The following ARID1B variants were observed in gnomAD, a reference collection of about 807,000 sequenced individuals.
The protein encoded by ARID1B is AT-rich interactive domain-containing protein 1B.
Under a neutral mutation model 212.3 loss-of-function variants are expected in ARID1B, and 30 were observed. That is an observed-to-expected ratio of 0.14 (90% confidence interval 0.11 to 0.19). The LOEUF (loss-of-function observed/expected upper bound fraction) is 0.19. Ranked by LOEUF, ARID1B falls within the 10% of genes least tolerant of loss-of-function variation. The pLI is 1.00. For missense variants in ARID1B, 2,891 were observed against 3,204.0 expected (o/e 0.90, Z 2.36); for synonymous variants, 1,402 against 1,301.7 (o/e 1.08, Z -1.66).
rs763106833 is a variant in ARID1B at position 157,207,600 on chromosome 6, A to C, written c.6828A>C (p.Lys2276Asn). The change falls in exon 20 of 20, where the codon AAA becomes AAC. Residue 2276 changes from lysine to asparagine, a missense_variant. By Grantham distance (94) the Lys-to-Asn change is moderately conservative (BLOSUM62 0). Coordinates refer to ENST00000636930, the MANE Select transcript of ARID1B (RefSeq NM_001374828.1). The surrounding 1 kb of genome is among the most constrained non-coding windows in gnomAD (Gnocchi z 8.5). ...CAGCAAGGGCCATAGCTGTGCAGAA[A>C]GGAAGCATTGGAAACTTGATAAGCT... ...ALAARAIAVQKGSIGNLISFL... is the reference protein window; with the variant it reads ...ALAARAIAVQNGSIGNLISFL... 3 of 1,614,206 alleles carry C rather than the reference A, an allele frequency of 1.9e-6. No homozygotes were observed. The highest frequency in any genetic ancestry group is 2.5e-6 in the Non-Finnish European group (3 of 1,180,036).
intron 4 of ARID1B, among the ~76,000 whole-genome samples, chr6:156,988,380 C>G (rs1004031627): frequency 6.6e-6 from 1 of 152,058 alleles, no homozygotes; most frequent in Non-Finnish European, 1.5e-5. Flanking sequence ...ATGTGTGGTG[C>G]CTGCAGCCTG....
At chr6:157,155,747 T>C (rs1790535389) in intron 8 of ARID1B, among the ~76,000 whole-genome samples, 1 of 152,172 alleles carries the variant, frequency 6.6e-6, no homozygotes, top group African/African-American at 2.4e-5. Context: ...AGATCAGTGG[T>C]AACCCCACCG....
chr6:157,181,290 C>T (rs1792512028), intron 12 of ARID1B, 112 bp downstream of exon 12: 4 of 1,362,768 alleles, frequency 2.9e-6, no homozygotes, highest in Non-Finnish European at 4.0e-6. Context: ...AAAAGCTAAG[C>T]CTGTGTGAAA....
intron 4 of ARID1B, among the ~76,000 whole-genome samples, chr6:157,070,962 A>T (rs1783972849): frequency 2.0e-5 from 3 of 152,226 alleles, no homozygotes; most frequent in Admixed American, 2.0e-4. Context: ...CTGTACAGAG[A>T]AATCCTGCCG....
intron 2 of ARID1B, among the ~76,000 whole-genome samples, chr6:156,892,988 C>G (rs1003045400): frequency 6.6e-5 from 10 of 151,376 alleles, no homozygotes; most frequent in Non-Finnish European, 1.5e-4. Flanking sequence ...TATCATAGAC[C>G]TAAGTGTGTA....
intron 8 of ARID1B, among the ~76,000 whole-genome samples, chr6:157,162,109 A>G (rs1252295417): frequency 6.6e-6 from 1 of 152,200 alleles, no homozygotes; most frequent in Non-Finnish European, 1.5e-5. Flanking sequence ...CATTCATTTT[A>G]AAGATAACCA....
intron 1 of ARID1B, among the ~76,000 whole-genome samples, chr6:156,803,290 G>A (rs981233925): frequency 6.6e-6 from 1 of 152,270 alleles, no homozygotes; most frequent in Non-Finnish European, 1.5e-5. Flanking sequence ...CATTTATAAT[G>A]TTGTATAATA....
chr6:157,128,555 C>G lies in ARID1B; in HGVS notation c.2582-4473C>G, dbSNP rs150086867. On this transcript the variant is annotated intron_variant, in intron 6 of 19. Coordinates refer to ENST00000636930, the MANE Select transcript of ARID1B (RefSeq NM_001374828.1). Reference sequence around the variant, plus strand: ...AATGCAAGTCAGGTCATAACACTTCCTCTTACGGCAGTATATGGTCTATGC... The same window carrying G: ...AATGCAAGTCAGGTCATAACACTTCGTCTTACGGCAGTATATGGTCTATGC... Among the ~76,000 whole-genome samples, 13 of 152,294 alleles carry G rather than the reference C, an allele frequency of 8.5e-5. No individual in the cohort carries two copies. The East Asian group carries it at 2.3e-3, about 27-fold the overall frequency.
chr6:156,851,970 A>C (rs1444433323), intron 2 of ARID1B, among the ~76,000 whole-genome samples: 2 of 152,252 alleles, frequency 1.3e-5, no homozygotes, highest in East Asian at 1.9e-4. Flanking sequence ...GGTCTAGAAA[A>C]GGGATGCTTT....
intron 4 of ARID1B, among the ~76,000 whole-genome samples, chr6:157,051,153 G>A (rs1782577828): frequency 6.6e-6 from 1 of 152,202 alleles, no homozygotes; most frequent in Non-Finnish European, 1.5e-5. Flanking sequence ...CATTTGGGAT[G>A]ATAAAAGATG....
At chr6:156,846,181 G>A (rs1449306904) in intron 2 of ARID1B, among the ~76,000 whole-genome samples, 2 of 151,558 alleles carry the variant, frequency 1.3e-5, no homozygotes, top group African/African-American at 4.9e-5. Flanking sequence ...TTGAGACAGA[G>A]TCTCACTCTG....
At chr6:156,913,671 A>G (rs1405721462) in intron 3 of ARID1B, among the ~76,000 whole-genome samples, 7 of 144,212 alleles carry the variant, frequency 4.9e-5, no homozygotes, top group Admixed American at 1.4e-4. Context: ...CCCCCATCCC[A>G]CTCTCTACTT....
chr6:157,064,303 G>A (rs559098705), intron 4 of ARID1B, among the ~76,000 whole-genome samples: 1 of 152,290 alleles, frequency 6.6e-6, no homozygotes, highest in East Asian at 1.9e-4. Flanking sequence ...AACTTTGCAT[G>A]TATCTGCTGA....
chr6:157,175,987 C>G (rs1174871938), intron 11 of ARID1B: 1 of 152,208 alleles, frequency 6.6e-6, no homozygotes, highest in Non-Finnish European at 1.5e-5. Flanking sequence ...AAGACCCTAG[C>G]TGTGCAGAAT....
At chr6:157,056,545 T>C (rs1782966545) in intron 4 of ARID1B, among the ~76,000 whole-genome samples, 1 of 152,224 alleles carries the variant, frequency 6.6e-6, no homozygotes, top group Non-Finnish European at 1.5e-5. Flanking sequence ...TGTGCTGCGT[T>C]TCTGTTTTCA....
intron 3 of ARID1B, among the ~76,000 whole-genome samples, chr6:156,923,648 T>C (rs1790982656): frequency 6.6e-6 from 1 of 152,104 alleles, no homozygotes; most frequent in Admixed American, 6.5e-5. Context: ...CTGCTGTTAC[T>C]ACCAACACTG....
At chr6:156,888,755 G>A (rs954368021) in intron 2 of ARID1B, among the ~76,000 whole-genome samples, 1 of 152,074 alleles carries the variant, frequency 6.6e-6, no homozygotes, top group Non-Finnish European at 1.5e-5. Context: ...GAATTGACCC[G>A]TTCGTTACTA....
chr6:157,039,329 T>C lies in ARID1B; in HGVS notation c.2248-45333T>C, dbSNP rs537374043. On this transcript the variant is annotated intron_variant, in intron 4 of 19. Coordinates refer to ENST00000636930, the MANE Select transcript of ARID1B (RefSeq NM_001374828.1). The stretch of plus-strand genomic sequence containing the variant: ...ATGGGAAATTTGACATTTCTTTTTT[T>C]TTTTTTTTTTTTGAGACGGAGTCTC... 2.6e-4 allele frequency among the ~76,000 whole-genome samples: 32 copies of C among 123,026 alleles called. 4 individuals carry two copies. The highest frequency in any genetic ancestry group is 2.4e-3 in the Admixed American group (31 of 12,762). The allele number at this position is 123,026 out of a possible 152,430, so 80.7% of individuals were successfully genotyped here.
At chr6:156,911,338 G>GTTT (rs57374747) in intron 3 of ARID1B, among the ~76,000 whole-genome samples, 18 of 105,354 alleles carry the variant, frequency 1.7e-4, no homozygotes, top group African/African-American at 3.7e-4. Flanking sequence ...TAAATAATTA[G>GTTT]TTTTTTTTTT....
Sources: allele counts gnomAD v4.1 joint callset (sites outside exome capture counted in the v4.1 genomes callset), GRCh38; gene constraint gnomAD v4.1.1; non-coding constraint Gnocchi (gnomAD v3.1); transcripts MANE v1.5; gene names NCBI Gene and HGNC (gene_info 2026-07-23, HGNC 2026-07-21).